The following ZNF544 variants were observed in gnomAD, a reference collection of about 807,000 sequenced individuals.
ZNF544 encodes the protein zinc finger protein 544.
A neutral mutation model predicts 13.5 loss-of-function variants in ZNF544; 10 were observed. The ratio of observed to expected loss-of-function variants is 0.74; its 90% CI spans 0.46 to 1.25. The LOEUF (loss-of-function observed/expected upper bound fraction) is 1.25. Ranked by LOEUF, ZNF544 falls within the 50% of genes most tolerant of loss-of-function variation. ZNF544 has a pLI of 0.00. For missense variants in ZNF544, 896 were observed against 845.6 expected (o/e 1.06, Z -0.74); for synonymous variants, 323 against 300.5 (o/e 1.07, Z -0.77).
In ZNF544 at chr19:58,260,917, C is replaced by G; in HGVS notation, c.311C>G (p.Ser104Cys). ...SEKDRAREEL[S>C]HHVEVYRSGP... ...AAAGATCGAGCTAGGGAAGAACTAT[C>G]CCACCACGTGGAAGTGTACAGGAGT... The change falls in exon 7 of 7, where the codon TCC becomes TGC. Residue 104 changes from serine to cysteine, a missense_variant. By Grantham distance (112) the Ser-to-Cys change is moderately radical. Transcript: ENST00000687789. 6.2e-7 allele frequency: 1 copy of G among 1,613,824 alleles called. No homozygotes were observed. Among genetic ancestry groups the G allele is most frequent in the South Asian group, 1.1e-5 (1 of 91,036 alleles).
At chr19:58,247,083 A>G (rs1385516803) in intron 6 of ZNF544, among the ~76,000 whole-genome samples, 2 of 151,470 alleles carry the variant, frequency 1.3e-5, no homozygotes, top group Non-Finnish European at 2.9e-5. Context: ...TAATTAATGT[A>G]TGTATTTATT....
At chr19:58,241,191 T>TAAA (rs1600250407) in intron 3 of ZNF544, among the ~76,000 whole-genome samples, 1 of 40,912 alleles carries the variant, frequency 2.4e-5, no homozygotes, top group African/African-American at 8.7e-5. Context: ...TTTTTTTTTT[T>TAAA]TGTAGAGATA....
At chr19:58,275,780 T>C in intron 5 of ZNF544, among the ~76,000 whole-genome samples, 1 of 26,424 alleles carries the variant, frequency 3.8e-5, no homozygotes, top group African/African-American at 1.1e-4. Context: ...TGAGACCCTG[T>C]CTCAAAAAAA....
intron 3 of ZNF544, among the ~76,000 whole-genome samples, chr19:58,235,654 T>G (rs1443658347): frequency 6.6e-6 from 1 of 152,238 alleles, no homozygotes; most frequent in Non-Finnish European, 1.5e-5. Context: ...TTACCTCAAT[T>G]TAGCCATTCT....
At chr19:58,251,276 T>C in intron 6 of ZNF544, 1 of 518,732 alleles carries the variant, frequency 1.9e-6, no homozygotes, top group South Asian at 1.4e-5. Flanking sequence ...GTTGGTAGGC[T>C]TTTACTTATC....
chr19:58,237,815 G>C (rs1240380771), intron 3 of ZNF544, among the ~76,000 whole-genome samples: 1 of 152,246 alleles, frequency 6.6e-6, no homozygotes, highest in African/African-American at 2.4e-5. Flanking sequence ...GCCTGGGGAG[G>C]CAGCAAGGTG....
chr19:58,269,131 C>A (rs1042089569), intron 5 of ZNF544, among the ~76,000 whole-genome samples: 5 of 152,174 alleles, frequency 3.3e-5, no homozygotes, highest in African/African-American at 1.2e-4. Flanking sequence ...ACTGAGAACA[C>A]CACGACTAAA....
Position 58,263,372 on chromosome 19 carries a change from G to C in ZNF544, c.*618G>C, listed in dbSNP as rs539034343. 7.2e-5 allele frequency: 68 copies of C among 947,436 alleles called. No individual in the cohort carries two copies. In the African/African-American group the frequency reaches 1.2e-3, roughly 16 times the overall value. The allele number at this position is 947,436 out of a possible 1,614,324, so 58.7% of individuals were successfully genotyped here. A position where few individuals can be genotyped will look rare whatever the true frequency, so the allele number is the denominator to read the frequency against. The stretch of plus-strand genomic sequence containing the variant: ...GCTACTCAGGAGGCTGAGGTGGGAG[G>C]ATCACTTGAGCTTGGGAGGCGGTGG... On this transcript the variant is annotated 3_prime_UTR_variant, in exon 7 of 7. Coordinates refer to ENST00000687789, the MANE Select transcript of ZNF544 (RefSeq NM_014480.4).
downstream of ZNF544, chr19:58,267,676 TAAAAAAAAAAAAAA>T (rs56839702): frequency 6.6e-4 from 72 of 108,836 alleles, no homozygotes; most frequent in Middle Eastern, 5.4e-3. Context: ...AGACTCCATC[TAAAAAAAAAAAAAA>T]AAAAAAAAAA....
In ZNF544 at chr19:58,261,262, CT is replaced by C; in HGVS notation, c.657del (p.Arg220GlufsTer9). On this transcript the variant is annotated frameshift_variant, in exon 7 of 7. Coordinates refer to ENST00000687789, the MANE Select transcript of ZNF544 (RefSeq NM_014480.4). LOFTEE classifies it low-confidence loss of function (END_TRUNC). ...DGKHCESHQC[A>X]RAFCQSIYLS... ...AAGCACTGTGAGAGTCATCAGTGTG[CT>C]AGAGCTTTCTGTCAGAGTATTTACT... The C allele has an allele frequency of 6.2e-7, 1 of 1,614,156 alleles. No individual in the cohort carries two copies. Among genetic ancestry groups the C allele is most frequent in the Non-Finnish European group, 8.5e-7 (1 of 1,180,046 alleles).
chr19:58,246,691 CT>C lies in ZNF544; in HGVS notation c.161-15del. The C allele has an allele frequency of 6.2e-7, 1 of 1,613,138 alleles. No individual in the cohort carries two copies. Among genetic ancestry groups the C allele is most frequent in the Non-Finnish European group, 8.5e-7 (1 of 1,179,550 alleles). On this transcript the variant is annotated intron_variant, in intron 5 of 6. Coordinates refer to ENST00000687789, the MANE Select transcript of ZNF544 (RefSeq NM_014480.4). ...TGGTGTCCAAGCAGAGGGGCAAGTC[CT>C]TTTTCCGTCTTTGACCAGGGCTTTT...
intron 3 of ZNF544, among the ~76,000 whole-genome samples, chr19:58,232,946 C>CAA (rs71190012): frequency 0.021 from 953 of 44,648 alleles, 34 homozygotes; most frequent in Non-Finnish European, 0.03. Flanking sequence ...GACTCCATCT[C>CAA]AAAAAAAAAA....
intron 5 of ZNF544, among the ~76,000 whole-genome samples, chr19:58,270,266 G>A (rs2050461668): frequency 1.3e-5 from 2 of 151,778 alleles, no homozygotes; most frequent in South Asian, 2.1e-4. Flanking sequence ...TTCAGGGAAT[G>A]GCATTTGCAT....
chr19:58,246,962 A>G, intron 6 of ZNF544, 168 bp downstream of exon 6: 1 of 573,618 alleles, frequency 1.7e-6, no homozygotes, highest in Non-Finnish European at 3.1e-6. Context: ...CGAAGTATGC[A>G]GTTCATGGCT....
At chr19:58,241,013 C>T (rs533009886) in intron 3 of ZNF544, among the ~76,000 whole-genome samples, 22 of 148,694 alleles carry the variant, frequency 1.5e-4, no homozygotes, top group East Asian at 6.0e-4. Context: ...ATTCTGTCAC[C>T]GAGGCTGGAG....
chr19:58,236,308 T>G (rs1255754242), intron 3 of ZNF544, among the ~76,000 whole-genome samples: 2 of 151,804 alleles, frequency 1.3e-5, no homozygotes, highest in Non-Finnish European at 2.9e-5. Context: ...AAGACCAGCC[T>G]AACCAACATG....
Position 58,273,494 on chromosome 19 carries a change from G to T in ZNF544, c.245-2829G>T, listed in dbSNP as rs147918368. The stretch of plus-strand genomic sequence containing the variant: ...TCACCAGGTCAGGAGATAGAGACCC[G>T]CCTGGCCAACAGGCCGAAACCCTGT... On this transcript the variant is annotated intron_variant, in intron 5 of 6. Coordinates refer to the ZNF544 transcript ENST00000595981. Among the ~76,000 whole-genome samples the T allele has an allele frequency of 9.7e-3, 1,468 of 151,880 alleles. 8 individuals are homozygous for T. The highest frequency in any genetic ancestry group is 0.011 in the African/African-American group (465 of 41,470).
At chr19:58,232,085 A>G (rs1408268661) in intron 3 of ZNF544, among the ~76,000 whole-genome samples, 1 of 152,038 alleles carries the variant, frequency 6.6e-6, no homozygotes, top group Non-Finnish European at 1.5e-5. Context: ...AATACAAAAT[A>G]TAATATGTAA....
At chr19:58,270,576 A>C (rs1416816167) in intron 5 of ZNF544, among the ~76,000 whole-genome samples, 1 of 152,150 alleles carries the variant, frequency 6.6e-6, no homozygotes, top group Non-Finnish European at 1.5e-5. Context: ...CTGGGATTAC[A>C]GGGATGAGCC....
Sources: allele counts gnomAD v4.1 joint callset (sites outside exome capture counted in the v4.1 genomes callset), GRCh38; gene constraint gnomAD v4.1.1; transcripts MANE v1.5; gene names NCBI Gene and HGNC (gene_info 2026-07-23, HGNC 2026-07-21).